The following C2orf76 variants were observed in gnomAD, a reference collection of about 807,000 sequenced individuals.
The protein encoded by C2orf76 is chromosome 2 open reading frame 76, also known as UPF0538 protein C2orf76.
In C2orf76, 23 loss-of-function variants were observed where a neutral mutation model predicts 16.9. The observed-to-expected ratio is 1.36, with a 90% CI of 0.98 to 1.93. C2orf76 has a LOEUF of 1.93. C2orf76 is among the 30% of genes most tolerant of loss of function. The pLI is 0.00. For missense variants in C2orf76, 152 were observed against 152.6 expected (o/e 1.00, Z 0.02); for synonymous variants, 48 against 52.3 (o/e 0.92, Z 0.35).
intron 2 of C2orf76, 151 bp from the exon 3 acceptor site, chr2:119,321,355 G>A: frequency 5.9e-6 from 3 of 508,624 alleles, no homozygotes; most frequent in Non-Finnish European, 7.0e-6. Context: ...CGAAATCCAA[G>A]GGCCATCTAT....
chr2:119,354,446 C>T (rs1680503131), intron 1 of C2orf76, among the ~76,000 whole-genome samples: 1 of 152,184 alleles, frequency 6.6e-6, no homozygotes, highest in Non-Finnish European at 1.5e-5. Flanking sequence ...ATCGCCTGAA[C>T]CAGGAGGTGG....
downstream of C2orf76, among the ~76,000 whole-genome samples, chr2:119,301,918 T>TAAA (rs34452099): frequency 2.1e-4 from 29 of 138,888 alleles, no homozygotes; most frequent in Non-Finnish European, 2.6e-4. Flanking sequence ...TGCAATACTT[T>TAAA]AAAAAAAAAA....
chr2:119,349,595 G>C (rs1234633825), intron 1 of C2orf76, among the ~76,000 whole-genome samples: 1 of 152,118 alleles, frequency 6.6e-6, no homozygotes, highest in Non-Finnish European at 1.5e-5. Flanking sequence ...CCACCACGCT[G>C]TTGCCAAGCC....
chr2:119,334,278 T>G (rs973536756), intron 2 of C2orf76, among the ~76,000 whole-genome samples: 1 of 146,998 alleles, frequency 6.8e-6, no homozygotes, highest in African/African-American at 2.5e-5. Context: ...GCAGTGAAAC[T>G]ATTCTGTACG....
chr2:119,348,601 G>C (rs946639419), intron 1 of C2orf76, among the ~76,000 whole-genome samples: 1 of 152,240 alleles, frequency 6.6e-6, no homozygotes, highest in African/African-American at 2.4e-5. Context: ...AAGGAGATTC[G>C]CTTGAACCGG....
intron 1 of C2orf76, among the ~76,000 whole-genome samples, chr2:119,353,128 G>C (rs775584038): frequency 3.3e-5 from 5 of 151,892 alleles, no homozygotes; most frequent in Non-Finnish European, 5.9e-5. Context: ...TAATCCTTAA[G>C]TACAATTAAA....
At chr2:119,281,906 G>A in the C2orf76 span, among the ~76,000 whole-genome samples, 4 of 152,026 alleles carry the variant, frequency 2.6e-5, no homozygotes, top group Non-Finnish European at 4.4e-5. Context: ...GTCTTACTGC[G>A]CTACCCACCC....
chr2:119,338,135 T>G (rs990977483), intron 2 of C2orf76, among the ~76,000 whole-genome samples: 1 of 152,256 alleles, frequency 6.6e-6, no homozygotes, highest in African/African-American at 2.4e-5. Flanking sequence ...ATTGACACTG[T>G]CAGAGACCAG....
intron 3 of C2orf76, among the ~76,000 whole-genome samples, chr2:119,318,321 T>A (rs1331054592): frequency 6.6e-6 from 1 of 152,212 alleles, no homozygotes; most frequent in Non-Finnish European, 1.5e-5. Flanking sequence ...TATTATTGAA[T>A]AAACTCCCAA....
At chr2:119,309,131 G>A (rs761735191) in intron 5 of C2orf76, among the ~76,000 whole-genome samples, 2 of 152,194 alleles carry the variant, frequency 1.3e-5, no homozygotes, top group Admixed American at 6.5e-5. Flanking sequence ...GGCCTCAGGC[G>A]ATCCACTAGC....
At chr2:119,310,254 C>T (rs1573623249) in intron 5 of C2orf76, among the ~76,000 whole-genome samples, 1 of 152,162 alleles carries the variant, frequency 6.6e-6, no homozygotes, top group East Asian at 1.9e-4. Flanking sequence ...CTACATGCCC[C>T]AATCACAAAG....
chr2:119,356,040 A>C (rs1680561761), intron 1 of C2orf76, among the ~76,000 whole-genome samples: 1 of 152,204 alleles, frequency 6.6e-6, no homozygotes, highest in South Asian at 2.1e-4. Flanking sequence ...ACCTACCAGG[A>C]AAGTCTTCAA....
At chr2:119,309,291 T>C (rs1445727440) in intron 5 of C2orf76, among the ~76,000 whole-genome samples, 1 of 152,144 alleles carries the variant, frequency 6.6e-6, no homozygotes, top group East Asian at 1.9e-4. Context: ...TGGAGCTATT[T>C]TTTATGTGTG....
the C2orf76 span, among the ~76,000 whole-genome samples, chr2:119,296,336 A>T: frequency 6.6e-6 from 1 of 152,208 alleles, no homozygotes; most frequent in African/African-American, 2.4e-5. Flanking sequence ...AGAGTTTCTG[A>T]AAGCAAAATG....
At chr2:119,358,642 G>C (rs1204968371) in intron 1 of C2orf76, among the ~76,000 whole-genome samples, 1 of 151,156 alleles carries the variant, frequency 6.6e-6, no homozygotes, top group African/African-American at 2.4e-5. Flanking sequence ...TGAGTGCTCT[G>C]GATAGAAGGC....
chr2:119,356,448 GAC>G (rs1287605860), intron 1 of C2orf76, among the ~76,000 whole-genome samples: 1 of 151,374 alleles, frequency 6.6e-6, no homozygotes, highest in Non-Finnish European at 1.5e-5. Flanking sequence ...ATGAAAGTGG[GAC>G]ACAGTTAAAG....
rs1035822096 is a variant in C2orf76, at chr2:119,338,766, C to G, written c.133+1061G>C. 2.0e-5 allele frequency: 3 copies of G among 152,276 alleles called. No homozygotes were observed. In the East Asian group the frequency reaches 5.8e-4, roughly 29 times the overall value. 9.4% of individuals were successfully genotyped at this position (152,276 alleles called of 1,614,324 possible). The stretch of plus-strand genomic sequence containing the variant: ...AAGGGATCCACGCACCACTACCCCC[C>G]AGACCCAGGGCTTATATCATAGGGA... On this transcript the variant is annotated intron_variant, in intron 2 of 5. Coordinates refer to ENST00000334816, the MANE Select transcript of C2orf76 (RefSeq NM_001322331.2).
At chr2:119,317,981 C>A (rs1326662547) in intron 3 of C2orf76, among the ~76,000 whole-genome samples, 1 of 152,160 alleles carries the variant, frequency 6.6e-6, no homozygotes, top group Admixed American at 6.5e-5. Context: ...AACACTGTAT[C>A]TAGGACCACC....
At chr2:119,355,379 G>A (rs1358138604) in intron 1 of C2orf76, among the ~76,000 whole-genome samples, 1 of 152,204 alleles carries the variant, frequency 6.6e-6, no homozygotes, top group Admixed American at 6.5e-5. Flanking sequence ...TAGAAAGACA[G>A]AGACAGTATC....
Sources: gnomAD v4.1 joint callset for allele counts (sites outside exome capture counted in the v4.1 genomes callset) on GRCh38, gnomAD v4.1.1 for gene constraint, MANE v1.5 for transcripts, NCBI Gene and HGNC (gene_info 2026-07-23, HGNC 2026-07-21) for gene names.